Variants in MAGI2 observed in about 807,000 individuals in gnomAD.
The protein encoded by MAGI2 is membrane associated guanylate kinase, WW and PDZ domain containing 2.
Under a neutral mutation model 133.3 loss-of-function variants are expected in MAGI2, and 35 were observed. That is an observed-to-expected ratio of 0.26 (90% CI 0.20 to 0.35). The LOEUF is 0.35. MAGI2 is among the 10% of genes least tolerant of loss of function. MAGI2 has a pLI of 1.00. For synonymous variants in MAGI2, 729 were observed against 710.6 expected (o/e 1.03, Z -0.41); for missense variants, 1,636 against 1,863.4 (o/e 0.88, Z 2.25).
intron 2 of MAGI2, among the ~76,000 whole-genome samples, chr7:78,751,817 G>T (rs1823483347): frequency 6.6e-6 from 1 of 152,200 alleles, no homozygotes; most frequent in Admixed American, 6.5e-5. Context: ...GTATCCCAGT[G>T]TTCTAATTTT....
At chr7:79,388,572 G>A (rs924679488) in intron 1 of MAGI2, among the ~76,000 whole-genome samples, 18 of 151,650 alleles carry the variant, frequency 1.2e-4, no homozygotes, top group East Asian at 3.9e-4. Flanking sequence ...GTATGTAAAT[G>A]TAATTAAAAT....
intron 21 of MAGI2, chr7:78,026,024 G>A (rs2151047219): frequency 6.6e-6 from 1 of 152,662 alleles, no homozygotes; most frequent in East Asian, 1.9e-4. Context: ...ATTCCACTGT[G>A]GGAGAAGCAA....
At chr7:78,229,974 T>G (rs1789795467) in intron 10 of MAGI2, among the ~76,000 whole-genome samples, 1 of 152,264 alleles carries the variant, frequency 6.6e-6, no homozygotes, top group South Asian at 2.1e-4. Flanking sequence ...AACATGGTTC[T>G]AATAAACGTT....
chr7:78,659,834 T>C (rs1249894985), intron 2 of MAGI2, among the ~76,000 whole-genome samples: 1 of 152,156 alleles, frequency 6.6e-6, no homozygotes, highest in Non-Finnish European at 1.5e-5. Context: ...GTCATACAAC[T>C]ACATGAGAAT....
At chr7:78,796,522 C>T (rs1563516299) in intron 2 of MAGI2, among the ~76,000 whole-genome samples, 1 of 152,092 alleles carries the variant, frequency 6.6e-6, no homozygotes, top group African/African-American at 2.4e-5. Context: ...GGAGGATGCT[C>T]ATACACTGTT....
intron 1 of MAGI2, among the ~76,000 whole-genome samples, chr7:79,451,461 T>C (rs1849243070): frequency 6.6e-6 from 1 of 152,190 alleles, no homozygotes; most frequent in Non-Finnish European, 1.5e-5. Context: ...ATCAAGTTAC[T>C]CTATTTTCCT....
chr7:78,084,787 C>T (rs756307674), intron 20 of MAGI2, among the ~76,000 whole-genome samples: 4 of 152,216 alleles, frequency 2.6e-5, no homozygotes, highest in Non-Finnish European at 5.9e-5. Context: ...GCTGGGATGC[C>T]TGTGCCCTAA....
intron 6 of MAGI2, among the ~76,000 whole-genome samples, chr7:78,390,647 G>A (rs947727885): frequency 1.8e-4 from 27 of 151,760 alleles, no homozygotes; most frequent in Admixed American, 3.3e-4. Flanking sequence ...GGGGGTGGGG[G>A]GTGGAGGGGA....
intron 2 of MAGI2, among the ~76,000 whole-genome samples, chr7:78,948,757 C>T (rs1251244736): frequency 6.6e-6 from 1 of 152,006 alleles, no homozygotes; most frequent in Non-Finnish European, 1.5e-5. Flanking sequence ...AACTTAGAAG[C>T]ATGAAACATG....
chr7:78,555,576 T>G (rs1174120135), intron 3 of MAGI2, among the ~76,000 whole-genome samples: 1 of 152,180 alleles, frequency 6.6e-6, no homozygotes, highest in Admixed American at 6.5e-5. Flanking sequence ...ACTATGGCAA[T>G]GATAATGAAG....
At chr7:78,411,286 G>A (rs1355574247) in intron 6 of MAGI2, among the ~76,000 whole-genome samples, 9 of 151,882 alleles carry the variant, frequency 5.9e-5, no homozygotes, top group East Asian at 3.9e-4. Flanking sequence ...ATAGCATCTC[G>A]TACTGTATAA....
chr7:78,891,573 C>T (rs1276996018), intron 2 of MAGI2, among the ~76,000 whole-genome samples: 3 of 152,176 alleles, frequency 2.0e-5, no homozygotes, highest in African/African-American at 7.2e-5. Flanking sequence ...ACTGGTTCAA[C>T]ATACACAAAT....
intron 2 of MAGI2, among the ~76,000 whole-genome samples, chr7:78,878,460 G>T (rs1007969443): frequency 1.1e-4 from 17 of 152,136 alleles, no homozygotes; most frequent in African/African-American, 2.9e-4. Context: ...TTAGTTTCCT[G>T]TATGTGGAAT....
intron 6 of MAGI2, among the ~76,000 whole-genome samples, chr7:78,482,521 A>G (rs1325905796): frequency 6.6e-6 from 1 of 151,928 alleles, no homozygotes; most frequent in African/African-American, 2.4e-5. Context: ...TGGGTACCCT[A>G]AAACAGACTG....
intron 2 of MAGI2, among the ~76,000 whole-genome samples, chr7:79,003,205 G>T (rs1332143218): frequency 6.6e-6 from 1 of 151,580 alleles, no homozygotes. Flanking sequence ...GCAGGTGGTG[G>T]GGGGGAGGTC....
chr7:78,555,990 G>A (rs1296579151), intron 3 of MAGI2, among the ~76,000 whole-genome samples: 3 of 152,058 alleles, frequency 2.0e-5, no homozygotes, highest in African/African-American at 4.8e-5. Flanking sequence ...CTATTACCAT[G>A]TTTAAAAAAG....
At chr7:78,277,481 A>G (rs1173511400) in intron 9 of MAGI2, among the ~76,000 whole-genome samples, 1 of 152,202 alleles carries the variant, frequency 6.6e-6, no homozygotes, top group Non-Finnish European at 1.5e-5. Flanking sequence ...AAAATTAGTA[A>G]CATTTCAAGA....
chr7:79,345,511 A>G (rs17152306), intron 1 of MAGI2, among the ~76,000 whole-genome samples: 46,849 of 151,866 alleles, frequency 0.31, 7,503 homozygotes, highest in Admixed American at 0.38. Flanking sequence ...TGCATGTATG[A>G]ACACTAGAAT....
intron 1 of MAGI2, among the ~76,000 whole-genome samples, chr7:79,112,686 T>C (rs192245644): frequency 1.1e-4 from 16 of 152,060 alleles, no homozygotes; most frequent in African/African-American, 3.9e-4. Context: ...TTTATGTTTC[T>C]CTCTTAAATG....
Sources: gnomAD v4.1 joint callset for allele counts (sites outside exome capture counted in the v4.1 genomes callset) on GRCh38, gnomAD v4.1.1 for gene constraint, MANE v1.5 for transcripts, NCBI Gene and HGNC (gene_info 2026-07-23, HGNC 2026-07-21) for gene names.